Variants in SH3BP2 observed in about 807,000 individuals in gnomAD.
SH3BP2 encodes the protein SH3 domain-binding protein 2.
A neutral mutation model predicts 56.2 loss-of-function variants in SH3BP2; 38 were observed. The observed-to-expected ratio is 0.68, with a 90% CI of 0.52 to 0.89. The LOEUF is 0.89. Among genes scored for constraint, SH3BP2 ranks in the 40% least tolerant of loss-of-function variants. The pLI is 0.00. For missense variants in SH3BP2, 748 were observed against 762.6 expected, an observed-to-expected ratio of 0.98 and a Z score of 0.23; for synonymous variants, 346 against 316.7, an observed-to-expected ratio of 1.09 and a Z score of -0.98.
chr4:2,807,040 C>T (rs534120409), intron 1 of SH3BP2, among the ~76,000 whole-genome samples: 1 of 152,376 alleles, frequency 6.6e-6, no homozygotes, highest in South Asian at 2.1e-4. Flanking sequence ...CCACCCTGCA[C>T]CGCTCTGTGA....
intron 2 of SH3BP2, among the ~76,000 whole-genome samples, chr4:2,821,030 G>A (rs1445264598): frequency 1.3e-5 from 2 of 152,196 alleles, no homozygotes; most frequent in African/African-American, 2.4e-5. Context: ...TGGCCAGGTA[G>A]GTCTGGCCTC....
At chr4:2,813,063 G>A (rs1402769873) in intron 1 of SH3BP2, among the ~76,000 whole-genome samples, 1 of 152,236 alleles carries the variant, frequency 6.6e-6, no homozygotes, top group Non-Finnish European at 1.5e-5. Context: ...CTCTGGCATA[G>A]CTGGTTACTG....
intron 1 of SH3BP2, among the ~76,000 whole-genome samples, chr4:2,803,308 G>T (rs1723388934): frequency 6.6e-6 from 1 of 152,228 alleles, no homozygotes; most frequent in Admixed American, 6.5e-5. Context: ...CACCCCAGCA[G>T]GAGCCCCAGG....
chr4:2,795,377 A>G (rs932046021), intron 1 of SH3BP2, among the ~76,000 whole-genome samples: 15 of 152,180 alleles, frequency 9.9e-5, no homozygotes, highest in Non-Finnish European at 4.4e-5. Flanking sequence ...GTCAGTGACT[A>G]TGTGTGGCAG....
intron 1 of SH3BP2, among the ~76,000 whole-genome samples, chr4:2,793,913 C>T (rs1201961718): frequency 6.6e-6 from 1 of 152,180 alleles, no homozygotes; most frequent in African/African-American, 2.4e-5. Flanking sequence ...CTCTGGGCCT[C>T]GGCTCCCTGG....
intron 1 of SH3BP2, chr4:2,812,513 G>T: frequency 1.3e-6 from 2 of 1,543,364 alleles, no homozygotes; most frequent in Non-Finnish European, 1.8e-6. Flanking sequence ...GGCTCGGGAG[G>T]CGGCACTGGT....
Position 2,829,743 on chromosome 4 carries a change from T to C in SH3BP2, c.837T>C (p.Asp279=). The part of the protein sequence containing the change: ...RVPATPRRMS[D]PPLSTMPTAP... ...CTGCTACCCCCCGAAGGATGAGCGA[T>C]CCCCCTCTGAGCACCATGCCCACCG... The change falls in exon 8 of 13, where the codon GAT becomes GAC. Residue 279 remains aspartate (D), a synonymous_variant. Transcript: ENST00000503393. This position sits in a 1 kb window ranked among gnomAD's most constrained non-coding sequence, Gnocchi z 4.9. 1.2e-6 allele frequency: 2 copies of C among 1,612,130 alleles called. No individual in the cohort carries two copies. The highest frequency in any genetic ancestry group is 1.7e-5 in the Admixed American group (1 of 59,940).
Position 2,831,523 on chromosome 4 carries a change from C to T in SH3BP2, c.1242-48C>T, listed in dbSNP as rs771392529. The T allele has an allele frequency of 2.6e-5, 37 of 1,439,774 alleles. No individual in the cohort carries two copies. Among genetic ancestry groups the T allele is most frequent in the Non-Finnish European group, 3.0e-5 (31 of 1,045,310 alleles). The allele number at this position is 1,439,774 out of a possible 1,614,324, so 89.2% of individuals were successfully genotyped here. On this transcript the variant is annotated intron_variant, in intron 8 of 12. Coordinates refer to ENST00000503393, the MANE Select transcript of SH3BP2 (RefSeq NM_001122681.2). This position sits in a 1 kb window ranked among gnomAD's most constrained non-coding sequence, Gnocchi z 4.1. ...GGAGGGGAGCAGAGGGTGGCCGCCCCGTGTCTGACAGTGAAATGGTCCTGC... is the reference window on the plus strand; with the variant it reads ...GGAGGGGAGCAGAGGGTGGCCGCCCTGTGTCTGACAGTGAAATGGTCCTGC...
chr4:2,820,877 C>A, intron 2 of SH3BP2, 124 bp downstream of exon 2: 1 of 1,156,590 alleles, frequency 8.6e-7, no homozygotes, highest in Non-Finnish European at 1.2e-6. Context: ...TTTCCCATTC[C>A]CTCTCTGGTG....
intron 1 of SH3BP2, 66 bp downstream of exon 1, chr4:2,793,204 G>A (rs1380000326): frequency 4.1e-5 from 6 of 147,256 alleles, no homozygotes; most frequent in African/African-American, 1.5e-4. Flanking sequence ...TCCGCGTCTG[G>A]AAGGGGCTCG....
intron 1 of SH3BP2, among the ~76,000 whole-genome samples, chr4:2,801,316 C>T (rs532644765): frequency 1.3e-5 from 2 of 152,350 alleles, no homozygotes; most frequent in South Asian, 4.1e-4. Context: ...GGACAGGAGC[C>T]AGCGGGCATG....
intron 1 of SH3BP2, among the ~76,000 whole-genome samples, chr4:2,802,167 G>A (rs776181371): frequency 1.3e-4 from 20 of 152,134 alleles, no homozygotes; most frequent in Non-Finnish European, 2.6e-4. Context: ...GGGAGGCCGA[G>A]GCCGGCAGAT....
intron 1 of SH3BP2, among the ~76,000 whole-genome samples, chr4:2,804,602 AC>A (rs1489846630): frequency 1.3e-5 from 2 of 151,936 alleles, no homozygotes; most frequent in African/African-American, 4.8e-5. Context: ...GGCGTGGCCC[AC>A]CCTGTGTCCC....
chr4:2,834,091 A>G lies in SH3BP2; in HGVS notation c.*257A>G. ...AACTTGCCCTGTCCCAATCCCAGAA[A>G]CCCAGGACCAAGCTGTGCCTGGGCT... On this transcript the variant is annotated 3_prime_UTR_variant, in exon 13 of 13. Transcript: ENST00000503393. 2 of 486,480 alleles carry G rather than the reference A, an allele frequency of 4.1e-6. No individual in the cohort carries two copies. Among genetic ancestry groups the G allele is most frequent in the Non-Finnish European group, 3.7e-6 (1 of 269,814 alleles). The allele number at this position is 486,480 out of a possible 1,614,324, so 30.1% of individuals were successfully genotyped here. A position where few individuals can be genotyped will look rare whatever the true frequency, so the allele number is the denominator to read the frequency against.
Position 2,835,349 on chromosome 4 carries a change from C to A in SH3BP2, c.*1515C>A, listed in dbSNP as rs1249659989. 1 of 152,234 alleles carries A rather than the reference C, an allele frequency of 6.6e-6. No individual in the cohort carries two copies. Among genetic ancestry groups the A allele is most frequent in the Non-Finnish European group, 1.5e-5 (1 of 68,092 alleles). 9.4% of individuals were successfully genotyped at this position (152,234 alleles called of 1,614,324 possible). ...CCATAGGGTGCGGTGGAACTGCAGG[C>A]CCTGCAGATGACGGCAGCCAGCTGC... On this transcript the variant is annotated 3_prime_UTR_variant, in exon 13 of 13. Transcript: ENST00000503393.
At chr4:2,818,303 G>A (rs1724100527) in intron 1 of SH3BP2, 1 of 1,082,238 alleles carries the variant, frequency 9.2e-7, no homozygotes, top group South Asian at 4.4e-5. Context: ...GCGGCCGGGG[G>A]ACGCGGCCCG....
At chr4:2,796,943 C>G (rs1723085310) in intron 1 of SH3BP2, among the ~76,000 whole-genome samples, 1 of 152,260 alleles carries the variant, frequency 6.6e-6, no homozygotes, top group African/African-American at 2.4e-5. Flanking sequence ...CAGGCTTCGT[C>G]TGAGGGCTTC....
At chr4:2,795,118 G>A (rs983874778) in intron 1 of SH3BP2, among the ~76,000 whole-genome samples, 13 of 152,168 alleles carry the variant, frequency 8.5e-5, no homozygotes, top group African/African-American at 2.9e-4. Flanking sequence ...GGTGGTGGTG[G>A]TGACATGTGC....
At chr4:2,822,900 C>T in intron 2 of SH3BP2, 35 bp from the exon 3 acceptor site, 1 of 1,565,378 alleles carries the variant, frequency 6.4e-7, no homozygotes, top group Middle Eastern at 1.7e-4. Flanking sequence ...GCTGCCCCTC[C>T]AGGCTCACCT....
Sources: gnomAD v4.1 joint callset for allele counts (sites outside exome capture counted in the v4.1 genomes callset) on GRCh38, gnomAD v4.1.1 for gene constraint, Gnocchi (gnomAD v3.1) non-coding constraint, MANE v1.5 for transcripts, NCBI Gene and HGNC (gene_info 2026-07-23, HGNC 2026-07-21) for gene names.